CCDC171: variants seen among roughly 807,000 people sequenced by gnomAD.
CCDC171 encodes the protein coiled-coil domain-containing protein 171.
A neutral mutation model predicts 168.2 loss-of-function variants in CCDC171; 177 were observed. The observed-to-expected ratio is 1.05, with a 90% CI of 0.93 to 1.19. The LOEUF (loss-of-function observed/expected upper bound fraction) is 1.19. Ranked by LOEUF, CCDC171 falls within the 50% of genes most tolerant of loss-of-function variation. The probability of loss-of-function intolerance (pLI) is 0.00; values close to 1 mark genes in which losing one functional copy is unlikely to be tolerated. For synonymous variants in CCDC171, 687 were observed against 540.8 expected (o/e 1.27, Z -3.75); for missense variants, 1,991 against 1,539.0 (o/e 1.29, Z -4.91).
At chr9:15,558,879 A>T (rs1455304946) in intron 1 of CCDC171, among the ~76,000 whole-genome samples, 2 of 152,060 alleles carry the variant, frequency 1.3e-5, no homozygotes, top group African/African-American at 4.8e-5. Flanking sequence ...TAGTGCTATA[A>T]ATTTCCCTCT....
chr9:15,851,272 A>T (rs936416510), intron 23 of CCDC171, among the ~76,000 whole-genome samples: 1 of 151,984 alleles, frequency 6.6e-6, no homozygotes, highest in Non-Finnish European at 1.5e-5. Flanking sequence ...TTGGGGACTG[A>T]TAACTACTAT....
At chr9:15,780,804 C>G (rs2057627135) in intron 20 of CCDC171, among the ~76,000 whole-genome samples, 2 of 152,166 alleles carry the variant, frequency 1.3e-5, no homozygotes, top group South Asian at 4.1e-4. Flanking sequence ...TAAATGAATA[C>G]TAGTGTGTCA....
At chr9:15,630,795 A>C (rs923477223) in intron 7 of CCDC171, among the ~76,000 whole-genome samples, 1 of 152,360 alleles carries the variant, frequency 6.6e-6, no homozygotes, top group South Asian at 2.1e-4. Context: ...AGCAAATGTA[A>C]AAGATGAGAA....
chr9:15,706,318 C>T (rs142128873), intron 11 of CCDC171, among the ~76,000 whole-genome samples: 608 of 151,770 alleles, frequency 4.0e-3, no homozygotes, highest in African/African-American at 0.013. Context: ...TTGGCAGGAT[C>T]TCACTCTGTT....
chr9:15,634,078 T>C (rs968244729), intron 7 of CCDC171, among the ~76,000 whole-genome samples: 1 of 152,018 alleles, frequency 6.6e-6, no homozygotes, highest in Non-Finnish European at 1.5e-5. Flanking sequence ...TAATGCTAAA[T>C]GATGAGTTAA....
At chr9:15,635,507 A>G (rs890056692) in intron 7 of CCDC171, among the ~76,000 whole-genome samples, 1 of 152,148 alleles carries the variant, frequency 6.6e-6, no homozygotes, top group Non-Finnish European at 1.5e-5. Flanking sequence ...AAGTCTCCCC[A>G]TTCCACTTTC....
intron 18 of CCDC171, among the ~76,000 whole-genome samples, chr9:15,774,743 G>C (rs1395047302): frequency 6.6e-6 from 1 of 152,192 alleles, no homozygotes; most frequent in African/African-American, 2.4e-5. Context: ...AAGAAAATTG[G>C]TATCTATATA....
intron 18 of CCDC171, among the ~76,000 whole-genome samples, chr9:15,768,356 T>C (rs1303764394): frequency 6.6e-6 from 1 of 152,216 alleles, no homozygotes; most frequent in Non-Finnish European, 1.5e-5. Context: ...ATTCTTACTC[T>C]TATTCTCCAT....
rs779170041 is a variant in CCDC171 at position 15,874,523 on chromosome 9, T to C, written c.3469-9T>C. The C allele has an allele frequency of 1.9e-6, 3 of 1,584,864 alleles. No homozygotes were observed. Among genetic ancestry groups the C allele is most frequent in the Non-Finnish European group, 2.6e-6 (3 of 1,166,390 alleles). On this transcript the variant is annotated splice_polypyrimidine_tract_variant and intron_variant, in intron 23 of 25. Transcript: ENST00000380701. ...GGAATTACCATTGATGCTGTTTTTT[T>C]CCCTTTAGGTCAGAGATCAGATCTC...
chr9:15,556,421 T>C (rs1276624499), intron 1 of CCDC171, among the ~76,000 whole-genome samples: 6 of 152,200 alleles, frequency 3.9e-5, no homozygotes, highest in African/African-American at 1.4e-4. Flanking sequence ...GACTTTTTAA[T>C]GATCGCCATT....
chr9:15,715,329 G>C (rs950748687), intron 11 of CCDC171, among the ~76,000 whole-genome samples: 24 of 152,182 alleles, frequency 1.6e-4, no homozygotes, highest in African/African-American at 4.6e-4. Flanking sequence ...GCAAGATAAT[G>C]AAAGATGTTT....
At chr9:15,793,457 G>A (rs1368980248) in intron 21 of CCDC171, among the ~76,000 whole-genome samples, 1 of 150,694 alleles carries the variant, frequency 6.6e-6, no homozygotes, top group Non-Finnish European at 1.5e-5. Context: ...ACTCAGCTCT[G>A]CACCAAGCGG....
chr9:15,938,427 C>T (rs753578247), intron 25 of CCDC171, among the ~76,000 whole-genome samples: 14 of 151,274 alleles, frequency 9.3e-5, no homozygotes, highest in East Asian at 1.9e-4. Flanking sequence ...CAGTTTTCTA[C>T]GAAAAAAAAT....
Position 15,591,363 on chromosome 9 carries a change from T to G in CCDC171, c.353-3T>G. 6.4e-7 allele frequency: 1 copy of G among 1,564,094 alleles called. No homozygotes were observed. Among genetic ancestry groups the G allele is most frequent in the Non-Finnish European group, 8.7e-7 (1 of 1,147,016 alleles). ...AATGTACCTATTATTCTATTCTTAA[T>G]AGCACAGAATTCAGAACTTCAAGCA... On this transcript the variant is annotated splice_region_variant and splice_polypyrimidine_tract_variant and intron_variant, in intron 4 of 25. Coordinates refer to ENST00000380701, the MANE Select transcript of CCDC171 (RefSeq NM_173550.4).
chr9:15,783,483 G>A (rs2057773211), intron 20 of CCDC171, among the ~76,000 whole-genome samples: 1 of 152,050 alleles, frequency 6.6e-6, no homozygotes, highest in Non-Finnish European at 1.5e-5. Context: ...TTTTTACAAT[G>A]GGAAAGTTAG....
At chr9:15,619,150 T>C (rs1326720679) in intron 6 of CCDC171, among the ~76,000 whole-genome samples, 1 of 152,100 alleles carries the variant, frequency 6.6e-6, no homozygotes, top group Non-Finnish European at 1.5e-5. Context: ...GACACAACAA[T>C]GTTGAAATGA....
intron 1 of CCDC171, among the ~76,000 whole-genome samples, chr9:15,555,439 C>G (rs929963033): frequency 2.0e-5 from 3 of 152,088 alleles, no homozygotes; most frequent in Admixed American, 2.0e-4. Context: ...TTGAGAAGGC[C>G]ATGGCTTGTC....
At chr9:15,620,463 A>G (rs1477215170) in intron 6 of CCDC171, among the ~76,000 whole-genome samples, 1 of 152,166 alleles carries the variant, frequency 6.6e-6, no homozygotes, top group Non-Finnish European at 1.5e-5. Context: ...TAGCAAGATA[A>G]TTAGAATTAG....
intron 25 of CCDC171, among the ~76,000 whole-genome samples, chr9:15,966,270 A>G (rs1830775546): frequency 6.6e-6 from 1 of 152,172 alleles, no homozygotes. Flanking sequence ...AGAGTTTGAA[A>G]CGTGGAGGAC....
Sources: gnomAD v4.1 joint callset for allele counts (sites outside exome capture counted in the v4.1 genomes callset) on GRCh38, gnomAD v4.1.1 for gene constraint, MANE v1.5 for transcripts, NCBI Gene and HGNC (gene_info 2026-07-23, HGNC 2026-07-21) for gene names.